FHIT: variants seen among roughly 807,000 people sequenced by gnomAD.
FHIT encodes the protein bis(5'-adenosyl)-triphosphatase.
A neutral mutation model predicts 17.9 loss-of-function variants in FHIT; 19 were observed. The ratio of observed to expected loss-of-function variants is 1.06; its 90% CI spans 0.74 to 1.56. FHIT has a LOEUF of 1.56. Ranked by LOEUF, FHIT falls within the 40% of genes most tolerant of loss-of-function variation. The probability of loss-of-function intolerance (pLI) is 0.00; values close to 1 mark genes in which losing one functional copy is unlikely to be tolerated. For missense variants in FHIT, 248 were observed against 189.2 expected, an observed-to-expected ratio of 1.31 and a Z score of -1.82; for synonymous variants, 81 against 69.7, an observed-to-expected ratio of 1.16 and a Z score of -0.81.
At chr3:60,668,782 G>T (rs1462081836) in intron 4 of FHIT, among the ~76,000 whole-genome samples, 1 of 151,940 alleles carries the variant, frequency 6.6e-6, no homozygotes, top group Non-Finnish European at 1.5e-5. Context: ...AGCCAGGATG[G>T]TCTCGCTCTC....
At chr3:60,338,809 C>T (rs576313188) in intron 5 of FHIT, among the ~76,000 whole-genome samples, 238 of 152,198 alleles carry the variant, frequency 1.6e-3, no homozygotes, top group Middle Eastern at 3.4e-3. Context: ...CCAACTGATA[C>T]GCAAAACACC....
At chr3:61,132,390 CT>C (rs1445898281) in intron 2 of FHIT, among the ~76,000 whole-genome samples, 4 of 152,164 alleles carry the variant, frequency 2.6e-5, no homozygotes, top group Non-Finnish European at 4.4e-5. Flanking sequence ...TGAACACCTG[CT>C]GTATTTCAAG....
At chr3:61,107,976 C>A (rs1335071172) in intron 2 of FHIT, among the ~76,000 whole-genome samples, 1 of 152,150 alleles carries the variant, frequency 6.6e-6, no homozygotes, top group African/African-American at 2.4e-5. Flanking sequence ...TGTTATAGTT[C>A]ACGATGTACG....
intron 5 of FHIT, among the ~76,000 whole-genome samples, chr3:60,236,620 G>A (rs1704810845): frequency 1.3e-5 from 2 of 152,120 alleles, no homozygotes; most frequent in African/African-American, 4.8e-5. Context: ...GAGACCAGTT[G>A]CCTTTCTTTG....
intron 7 of FHIT, among the ~76,000 whole-genome samples, chr3:59,954,897 G>A (rs554402045): frequency 2.0e-5 from 3 of 152,258 alleles, no homozygotes; most frequent in South Asian, 4.1e-4. Flanking sequence ...GTTCCAGAAG[G>A]TAATCACTTT....
At chr3:60,712,837 A>C (rs2041575468) in intron 4 of FHIT, among the ~76,000 whole-genome samples, 1 of 144,934 alleles carries the variant, frequency 6.9e-6, no homozygotes, top group African/African-American at 2.5e-5. Flanking sequence ...GGGAGACTTT[A>C]ACACCCCACT....
At chr3:61,093,855 T>C (rs1323475164) in intron 2 of FHIT, among the ~76,000 whole-genome samples, 2 of 152,160 alleles carry the variant, frequency 1.3e-5, no homozygotes, top group Non-Finnish European at 2.9e-5. Flanking sequence ...TAGGTACACG[T>C]AATAAATAAA....
intron 3 of FHIT, among the ~76,000 whole-genome samples, chr3:60,904,419 G>C (rs917106570): frequency 6.7e-6 from 1 of 150,116 alleles, no homozygotes; most frequent in African/African-American, 2.5e-5. Context: ...GAAAACATGA[G>C]AGAATTTCTG....
chr3:59,936,128 C>T (rs1021751398), intron 7 of FHIT, among the ~76,000 whole-genome samples: 2 of 152,154 alleles, frequency 1.3e-5, no homozygotes, highest in Non-Finnish European at 2.9e-5. Flanking sequence ...TATATTTGTT[C>T]TTCAGTATTA....
At chr3:60,446,857 AAAT>A (rs144268974) in intron 5 of FHIT, among the ~76,000 whole-genome samples, 16,292 of 138,872 alleles carry the variant, frequency 0.12, 910 homozygotes, top group East Asian at 0.14. Flanking sequence ...TATCTCATTA[AAAT>A]AATAATAATA....
chr3:60,481,662 G>T (rs2033615693), intron 5 of FHIT, among the ~76,000 whole-genome samples: 1 of 152,142 alleles, frequency 6.6e-6, no homozygotes, highest in Non-Finnish European at 1.5e-5. Context: ...CCTTGCATGA[G>T]ATTCTGAAAG....
chr3:60,234,372 GAAT>G (rs1198656726), intron 5 of FHIT, among the ~76,000 whole-genome samples: 2 of 152,098 alleles, frequency 1.3e-5, no homozygotes, highest in African/African-American at 2.4e-5. Flanking sequence ...CACAATTAAT[GAAT>G]AATTAATACC....
At chr3:60,684,177 C>A (rs543152501) in intron 4 of FHIT, among the ~76,000 whole-genome samples, 54 of 152,118 alleles carry the variant, frequency 3.5e-4, no homozygotes, top group Admixed American at 2.6e-3. Flanking sequence ...GCAAAGATCC[C>A]TCCAGAGGCT....
intron 5 of FHIT, among the ~76,000 whole-genome samples, chr3:60,133,794 T>C (rs1699697038): frequency 6.6e-6 from 1 of 151,162 alleles, no homozygotes; most frequent in East Asian, 1.9e-4. Flanking sequence ...AATCTAAAAA[T>C]AGAGTACTTC....
intron 4 of FHIT, among the ~76,000 whole-genome samples, chr3:60,771,385 T>C (rs1287201064): frequency 6.6e-6 from 1 of 152,228 alleles, no homozygotes; most frequent in Non-Finnish European, 1.5e-5. Context: ...TCCTCCAAAG[T>C]GTTAAATATC....
chr3:60,458,446 G>A (rs909940742), intron 5 of FHIT, among the ~76,000 whole-genome samples: 2 of 143,750 alleles, frequency 1.4e-5, no homozygotes, highest in Non-Finnish European at 1.5e-5. Context: ...TGTGGGGTGG[G>A]GGGAGGGGGG....
intron 5 of FHIT, among the ~76,000 whole-genome samples, chr3:60,107,150 C>CTTTTTT (rs540311961): frequency 1.4e-4 from 13 of 95,154 alleles, no homozygotes; most frequent in African/African-American, 3.7e-4. Flanking sequence ...AGCTTTAATT[C>CTTTTTT]TTTTTTTTTT....
At chr3:60,669,274 A>ATT (rs2040457102) in intron 4 of FHIT, among the ~76,000 whole-genome samples, 1 of 152,190 alleles carries the variant, frequency 6.6e-6, no homozygotes, top group Non-Finnish European at 1.5e-5. Context: ...CATCCTTGCA[A>ATT]ATGGACATAG....
chr3:59,927,595 G>A (rs905921150), intron 7 of FHIT, among the ~76,000 whole-genome samples: 6 of 151,930 alleles, frequency 3.9e-5, no homozygotes, highest in Admixed American at 6.6e-5. Flanking sequence ...GTGAAACCCC[G>A]TCTCTACTAA....
Sources: gnomAD v4.1 joint callset for allele counts (sites outside exome capture counted in the v4.1 genomes callset) on GRCh38, gnomAD v4.1.1 for gene constraint, MANE v1.5 for transcripts, NCBI Gene and HGNC (gene_info 2026-07-23, HGNC 2026-07-21) for gene names.